ZFHX3: variants seen among roughly 807,000 people sequenced by gnomAD.
The protein encoded by ZFHX3 is zinc finger homeobox protein 3.
In ZFHX3, 42 loss-of-function variants were observed where a neutral mutation model predicts 279.1. The observed-to-expected ratio is 0.15, with a 90% CI of 0.12 to 0.19. The LOEUF (loss-of-function observed/expected upper bound fraction) is 0.19. ZFHX3 is among the 10% of genes least tolerant of loss of function. ZFHX3 has a pLI of 1.00. For synonymous variants in ZFHX3, 2,293 were observed against 1,957.8 expected, an observed-to-expected ratio of 1.17 and a Z score of -4.52; for missense variants, 4,981 against 4,754.0, an observed-to-expected ratio of 1.05 and a Z score of -1.40.
At chr16:72,989,003 C>T (rs1183703950) in intron 1 of ZFHX3, among the ~76,000 whole-genome samples, 1 of 151,590 alleles carries the variant, frequency 6.6e-6, no homozygotes, top group African/African-American at 2.4e-5. Context: ...TAGGGAGACC[C>T]CATCTCTACA....
chr16:73,599,256 G>C (rs752751914), intron 2 of ZFHX3, among the ~76,000 whole-genome samples: 1 of 152,216 alleles, frequency 6.6e-6, no homozygotes, highest in Non-Finnish European at 1.5e-5. Flanking sequence ...AGAGCCATAA[G>C]TTGGAGTCAG....
At chr16:73,329,293 C>T (rs1348179031) in intron 3 of ZFHX3, among the ~76,000 whole-genome samples, 1 of 152,196 alleles carries the variant, frequency 6.6e-6, no homozygotes, top group African/African-American at 2.4e-5. Flanking sequence ...GGAGGGATCT[C>T]AAGGATTTTA....
intron 4 of ZFHX3, among the ~76,000 whole-genome samples, chr16:73,286,288 T>C (rs2014594535): frequency 6.6e-6 from 1 of 152,200 alleles, no homozygotes. Flanking sequence ...GGAATAAACC[T>C]GATTTTCAAA....
intron 1 of ZFHX3, among the ~76,000 whole-genome samples, chr16:73,879,948 A>C (rs888973944): frequency 6.6e-6 from 1 of 152,172 alleles, no homozygotes; most frequent in Non-Finnish European, 1.5e-5. Context: ...TCCTAATTTC[A>C]ATTTTATATA....
intron 1 of ZFHX3, among the ~76,000 whole-genome samples, chr16:73,011,412 G>A (rs1382635472): frequency 2.6e-5 from 4 of 151,802 alleles, no homozygotes; most frequent in South Asian, 2.1e-4. Flanking sequence ...GATTACAGGC[G>A]TGAGCCACCA....
At position 72,831,343 on chromosome 16, in the gene ZFHX3, G is replaced by C. The variant is rs181094326; in HGVS notation, c.3449-1484C>G. Among the ~76,000 whole-genome samples the C allele has an allele frequency of 1.1e-3, 161 of 152,230 alleles. 1 individual carries two copies. Among genetic ancestry groups the C allele is most frequent in the African/African-American group, 3.5e-3 (146 of 41,534 alleles). On this transcript the variant is annotated intron_variant, in intron 4 of 9. Coordinates refer to ENST00000268489, the MANE Select transcript of ZFHX3 (RefSeq NM_006885.4). Reference sequence around the variant, plus strand: ...CTTACCACCAAGAGGGAGTTTATGAGGCAGTCACTGGGAATACAGGTGAAA... The same window carrying C: ...CTTACCACCAAGAGGGAGTTTATGACGCAGTCACTGGGAATACAGGTGAAA...
chr16:73,514,402 C>T (rs1244751153), intron 2 of ZFHX3, among the ~76,000 whole-genome samples: 2 of 152,110 alleles, frequency 1.3e-5, no homozygotes, highest in African/African-American at 2.4e-5. Flanking sequence ...GATATGCCAA[C>T]ACTATGCTAG....
At chr16:73,156,994 G>C (rs1430631299) in intron 5 of ZFHX3, among the ~76,000 whole-genome samples, 3 of 152,178 alleles carry the variant, frequency 2.0e-5, no homozygotes, top group African/African-American at 4.8e-5. Flanking sequence ...TTGCAGGCGT[G>C]AGCCACCGTG....
chr16:73,332,713 G>C (rs1314388214), intron 3 of ZFHX3, among the ~76,000 whole-genome samples: 3 of 152,180 alleles, frequency 2.0e-5, no homozygotes, highest in Admixed American at 2.0e-4. Flanking sequence ...ACGAACAAAA[G>C]TGATGAGGCA....
chr16:73,104,836 C>A (rs1338200481), intron 7 of ZFHX3, among the ~76,000 whole-genome samples: 1 of 152,156 alleles, frequency 6.6e-6, no homozygotes, highest in African/African-American at 2.4e-5. Flanking sequence ...TTCTGTCCCC[C>A]ATGTGCTCCT....
At chr16:73,491,499 T>C (rs2019055263) in intron 2 of ZFHX3, among the ~76,000 whole-genome samples, 2 of 152,230 alleles carry the variant, frequency 1.3e-5, no homozygotes, top group Admixed American at 1.3e-4. Context: ...ACTGTAGGCA[T>C]GTGACTTGTG....
At chr16:73,812,724 A>G (rs1338370550) in intron 1 of ZFHX3, 1 of 152,236 alleles carries the variant, frequency 6.6e-6, no homozygotes, top group Non-Finnish European at 1.5e-5. Flanking sequence ...ATACTACCAG[A>G]AAAACAGCTC....
rs986750039 is a variant in ZFHX3 at position 72,788,205 on chromosome 16, T to A, written c.10071A>T (p.Pro3357=). 11 of 1,612,614 alleles carry A rather than the reference T, an allele frequency of 6.8e-6. No homozygotes were observed. Among genetic ancestry groups the A allele is most frequent in the Middle Eastern group, 3.3e-4 (2 of 6,070 alleles). ...ALSQALMGLS[P]GSLLQQYQQY... is the part of the protein sequence containing the mutation. ...GCTGGTACTGCTGCAGTAGGGAGCC[T>A]GGGGACAGCCCCATCAGGGCCTGCG... is the stretch of plus-strand genomic sequence containing the variant. Residue 3357 remains proline (P), a synonymous_variant, in exon 10 of 10, where the codon CCA becomes CCT. Transcript: ENST00000268489.
At chr16:73,631,927 T>TCTCTCTCTCTCTCTCA (rs1437204921) in intron 2 of ZFHX3, among the ~76,000 whole-genome samples, 2 of 136,728 alleles carry the variant, frequency 1.5e-5, no homozygotes, top group African/African-American at 5.8e-5. Flanking sequence ...TCTCTCTCTC[T>TCTCTCTCTCTCTCTCA]CACACACACA....
At chr16:72,962,161 T>C (rs532779158) in intron 1 of ZFHX3, among the ~76,000 whole-genome samples, 14 of 152,292 alleles carry the variant, frequency 9.2e-5, no homozygotes, top group East Asian at 1.9e-4. Flanking sequence ...GGGGCCACGA[T>C]TGATAAAGCA....
chr16:73,185,726 A>G (rs1359432949), intron 5 of ZFHX3, among the ~76,000 whole-genome samples: 1 of 152,162 alleles, frequency 6.6e-6, no homozygotes, highest in Non-Finnish European at 1.5e-5. Flanking sequence ...AAAGTGAATA[A>G]TGACACGAGA....
Position 73,403,926 on chromosome 16 carries a change from T to C in ZFHX3, c.-1291+52077A>G, listed in dbSNP as rs184794077. Among the ~76,000 whole-genome samples the C allele has an allele frequency of 2.7e-4, 41 of 151,908 alleles. No homozygotes were observed. The East Asian group carries it at 7.3e-3, about 27-fold the overall frequency. ...GTGGCATTTGGAGTCACGGATGCTC[T>C]GTCTTTGGATCTTGGGATTTTTTTT... On this transcript the variant is annotated intron_variant, in intron 3 of 17. Transcript: ENST00000641206.
chr16:73,516,172 C>T (rs1236584755), intron 2 of ZFHX3, among the ~76,000 whole-genome samples: 3 of 152,166 alleles, frequency 2.0e-5, no homozygotes, highest in African/African-American at 7.2e-5. Context: ...GAATTGCTAA[C>T]GCTAAGTATA....
intron 3 of ZFHX3, among the ~76,000 whole-genome samples, chr16:73,363,764 C>A (rs1342263608): frequency 6.6e-6 from 1 of 152,150 alleles, no homozygotes; most frequent in African/African-American, 2.4e-5. Flanking sequence ...GCACTATGCT[C>A]ACCCCCAGGA....
Sources: allele counts gnomAD v4.1 joint callset (sites outside exome capture counted in the v4.1 genomes callset), GRCh38; gene constraint gnomAD v4.1.1; transcripts MANE v1.5; gene names NCBI Gene and HGNC (gene_info 2026-07-23, HGNC 2026-07-21).